UBAC2: variants seen among roughly 807,000 people sequenced by gnomAD.
The protein encoded by UBAC2 is ubiquitin-associated domain-containing protein 2.
Under a neutral mutation model 44.0 loss-of-function variants are expected in UBAC2, and 26 were observed. That is an observed-to-expected ratio of 0.59 (90% CI 0.43 to 0.82). UBAC2 has a LOEUF of 0.82. UBAC2 is among the 40% of genes least tolerant of loss of function. The pLI, the probability that UBAC2 is intolerant of heterozygous loss-of-function variation, is 0.00. For synonymous variants in UBAC2, 155 were observed against 154.3 expected (o/e 1.00, Z -0.04); for missense variants, 329 against 419.4 (o/e 0.78, Z 1.88).
chr13:99,316,929 T>C, intron 5 of UBAC2, among the ~76,000 whole-genome samples: 1 of 152,198 alleles, frequency 6.6e-6, no homozygotes, highest in Non-Finnish European at 1.5e-5. Context: ...CTGTTATTCT[T>C]TCTATTTTTA....
At chr13:99,347,102 A>AC (rs2044995298) in intron 7 of UBAC2, among the ~76,000 whole-genome samples, 1 of 143,538 alleles carries the variant, frequency 7.0e-6, no homozygotes. Context: ...ACATGGTGAG[A>AC]CCCCCATCTC....
chr13:99,332,414 T>C (rs145192008), intron 6 of UBAC2, among the ~76,000 whole-genome samples: 1 of 152,338 alleles, frequency 6.6e-6, no homozygotes, highest in East Asian at 1.9e-4. Flanking sequence ...AAGAACCGTG[T>C]AATTGACGTC....
At chr13:99,352,110 C>G (rs2045102310) in intron 7 of UBAC2, among the ~76,000 whole-genome samples, 1 of 152,110 alleles carries the variant, frequency 6.6e-6, no homozygotes. Flanking sequence ...ATGAGAGTTC[C>G]TATCATTAAT....
intron 8 of UBAC2, chr13:99,377,420 C>T (rs1054820042): frequency 2.0e-5 from 3 of 152,206 alleles, no homozygotes; most frequent in Non-Finnish European, 4.4e-5. Flanking sequence ...ATGGTGAGTT[C>T]TGATGCTTCT....
chr13:99,208,594 CT>C (rs1037399695), intron 1 of UBAC2, among the ~76,000 whole-genome samples: 5 of 152,304 alleles, frequency 3.3e-5, no homozygotes, highest in African/African-American at 9.6e-5. Flanking sequence ...ACTTTCCCCC[CT>C]TTTTTTCCCA....
chr13:99,265,440 G>C (rs1325815028), intron 4 of UBAC2, among the ~76,000 whole-genome samples: 2 of 152,190 alleles, frequency 1.3e-5, no homozygotes, highest in African/African-American at 4.8e-5. Flanking sequence ...TCTGCCTCTG[G>C]TGTAGGATTT....
At chr13:99,353,660 C>G (rs1010848086) in intron 7 of UBAC2, among the ~76,000 whole-genome samples, 1 of 152,136 alleles carries the variant, frequency 6.6e-6, no homozygotes, top group Non-Finnish European at 1.5e-5. Flanking sequence ...TACTCTGGAG[C>G]AGTATCATGT....
At chr13:99,368,039 G>T in intron 8 of UBAC2, 133 bp downstream of exon 8, 8 of 1,047,434 alleles carry the variant, frequency 7.6e-6, no homozygotes, top group Middle Eastern at 3.4e-4. Flanking sequence ...CTGCCACCAT[G>T]ATAGAGACTT....
Position 99,232,188 on chromosome 13 carries a change from A to G in UBAC2, c.32-6239A>G, listed in dbSNP as rs572652748. On this transcript the variant is annotated intron_variant, in intron 1 of 8. Coordinates refer to ENST00000403766, the MANE Select transcript of UBAC2 (RefSeq NM_001144072.2). ...GGGGTATGGGATAGAGGGGATAAAT[A>G]ACTGAAGTGAAAGTAAACCTTTGTT... Among the ~76,000 whole-genome samples the G allele has an allele frequency of 2.6e-5, 4 of 152,222 alleles. No homozygotes were observed. In the South Asian group the frequency reaches 6.2e-4, roughly 24 times the overall value.
chr13:99,273,142 A>G (rs2043838929), intron 4 of UBAC2, among the ~76,000 whole-genome samples: 1 of 152,158 alleles, frequency 6.6e-6, no homozygotes, highest in African/African-American at 2.4e-5. Flanking sequence ...TTCTATTAGT[A>G]TACCTATTAA....
At chr13:99,290,452 G>A (rs906745899) in intron 4 of UBAC2, among the ~76,000 whole-genome samples, 2 of 152,088 alleles carry the variant, frequency 1.3e-5, no homozygotes, top group East Asian at 1.9e-4. Context: ...AAGGCCGGGC[G>A]CAGTGGTTTA....
intron 4 of UBAC2, among the ~76,000 whole-genome samples, chr13:99,260,608 A>G (rs1451922389): frequency 2.0e-5 from 3 of 152,190 alleles, no homozygotes; most frequent in East Asian, 3.8e-4. Context: ...GCAGGGAATT[A>G]TAGTGAAAAG....
At chr13:99,223,911 A>G (rs9557179) in intron 1 of UBAC2, among the ~76,000 whole-genome samples, 20,873 of 152,000 alleles carry the variant, frequency 0.14, 1,678 homozygotes, top group East Asian at 0.32. Context: ...AATATAGTCT[A>G]TTTTGGTGAA....
intron 6 of UBAC2, among the ~76,000 whole-genome samples, chr13:99,334,618 C>A (rs2044761523): frequency 6.6e-6 from 1 of 151,814 alleles, no homozygotes; most frequent in South Asian, 2.1e-4. Flanking sequence ...ATATTATAAC[C>A]TCTAGGGCAA....
At chr13:99,222,849 G>C (rs927914033) in intron 1 of UBAC2, among the ~76,000 whole-genome samples, 85 of 152,250 alleles carry the variant, frequency 5.6e-4, no homozygotes, top group African/African-American at 2.0e-3. Context: ...TGCTAACAGT[G>C]TAACACTGGC....
intron 8 of UBAC2, among the ~76,000 whole-genome samples, chr13:99,380,293 T>C (rs531496324): frequency 6.6e-6 from 1 of 152,332 alleles, no homozygotes; most frequent in Admixed American, 6.5e-5. Context: ...CTTTCTGTAA[T>C]TTGAGCACAG....
chr13:99,340,351 T>C lies in UBAC2; in HGVS notation c.593T>C (p.Phe198Ser). The C allele has an allele frequency of 7.4e-6, 12 of 1,614,254 alleles. No individual in the cohort carries two copies. Among genetic ancestry groups the C allele is most frequent in the Non-Finnish European group, 9.3e-6 (11 of 1,180,036 alleles). Residue 198 changes from phenylalanine to serine, a missense_variant, in exon 7 of 9, where the codon TTC becomes TCC. Phe to Ser is a radical substitution (Grantham distance 155, BLOSUM62 -2). Transcript: ENST00000403766. ...GGTCTGTGCTACGACAGCAAAATGTTCCAGGTGCATCAGGTGCTCTGCATC... is the reference window on the plus strand; with the variant it reads ...GGTCTGTGCTACGACAGCAAAATGTCCCAGGTGCATCAGGTGCTCTGCATC... The part of the protein sequence containing the change: ...MSGLCYDSKM[F>S]QVHQVLCIPS...
intron 7 of UBAC2, chr13:99,351,795 G>C (rs1007507277): frequency 2.0e-5 from 9 of 456,560 alleles, no homozygotes; most frequent in Non-Finnish European, 4.0e-5. Context: ...AAGCCCAGGA[G>C]TCCTTGGTGC....
rs1555330450 is a variant in UBAC2, at chr13:99,338,071, T to TTTTTA, written c.562-2245_562-2244insATTTT. Among the ~76,000 whole-genome samples, 26 of 105,132 alleles carry TTTTTA rather than the reference T, an allele frequency of 2.5e-4. 1 individual carries two copies. Among genetic ancestry groups the TTTTTA allele is most frequent in the Non-Finnish European group, 3.4e-4 (18 of 52,662 alleles). The allele number at this position is 105,132 out of a possible 152,430, so 69.0% of individuals were successfully genotyped here. On this transcript the variant is annotated intron_variant, in intron 6 of 8. Coordinates refer to ENST00000403766, the MANE Select transcript of UBAC2 (RefSeq NM_001144072.2). ...TCTTTTTTTTTTTTTTTTTTTTTTT[T>TTTTTA]TTTTGAGACAGAGTCTCACTGTGTC...
Sources: gnomAD v4.1 joint callset for allele counts (sites outside exome capture counted in the v4.1 genomes callset) on GRCh38, gnomAD v4.1.1 for gene constraint, MANE v1.5 for transcripts, NCBI Gene and HGNC (gene_info 2026-07-23, HGNC 2026-07-21) for gene names.